Variants in NEDD9 observed in about 807,000 individuals in gnomAD.
NEDD9 encodes the protein enhancer of filamentation 1.
Under a neutral mutation model 76.6 loss-of-function variants are expected in NEDD9, and 26 were observed. That is an observed-to-expected ratio of 0.34 (90% CI 0.25 to 0.47). The LOEUF is 0.47. Among genes scored for constraint, NEDD9 ranks in the 20% least tolerant of loss-of-function variants. NEDD9 has a pLI of 1.00. For synonymous variants in NEDD9, 392 were observed against 414.2 expected, an observed-to-expected ratio of 0.95 and a Z score of 0.65; for missense variants, 937 against 1,058.5, an observed-to-expected ratio of 0.89 and a Z score of 1.59.
intron 1 of NEDD9, among the ~76,000 whole-genome samples, chr6:11,366,270 A>AGAAG (rs753253031): frequency 6.2e-4 from 82 of 132,518 alleles, no homozygotes; most frequent in South Asian, 3.8e-3. Flanking sequence ...AGTCTGAGAA[A>AGAAG]GAAGGAAGGA....
intron 3 of NEDD9, among the ~76,000 whole-genome samples, chr6:11,299,916 A>C (rs1760997947): frequency 6.6e-6 from 1 of 152,232 alleles, no homozygotes; most frequent in South Asian, 2.1e-4. Context: ...CCAGAGCAGA[A>C]AAGCTGAAAA....
At chr6:11,308,361 C>CTT (rs933892327) in intron 2 of NEDD9, among the ~76,000 whole-genome samples, 1,174 of 87,864 alleles carry the variant, frequency 0.013, 114 homozygotes, top group African/African-American at 0.04. Context: ...GATGGGACAT[C>CTT]TTTTTTTTTT....
intron 3 of NEDD9, among the ~76,000 whole-genome samples, chr6:11,260,435 C>T (rs950517357): frequency 1.3e-5 from 2 of 152,120 alleles, no homozygotes; most frequent in Non-Finnish European, 2.9e-5. Flanking sequence ...TTCTGAGTCT[C>T]GACTTGCCCA....
chr6:11,368,320 G>A (rs1762804413), intron 1 of NEDD9, among the ~76,000 whole-genome samples: 1 of 152,144 alleles, frequency 6.6e-6, no homozygotes, highest in Non-Finnish European at 1.5e-5. Flanking sequence ...TATTCCTGTG[G>A]TTCTTCATTA....
chr6:11,326,286 A>G (rs765326410), intron 2 of NEDD9, among the ~76,000 whole-genome samples: 1 of 152,224 alleles, frequency 6.6e-6, no homozygotes, highest in Non-Finnish European at 1.5e-5. Context: ...AATAAAGCAC[A>G]GCTGCTGAAC....
intron 1 of NEDD9, among the ~76,000 whole-genome samples, chr6:11,229,929 A>C (rs1465004088): frequency 6.6e-6 from 1 of 152,208 alleles, no homozygotes; most frequent in Non-Finnish European, 1.5e-5. Context: ...CGTAGTTGTG[A>C]TCCCTGGGGC....
rs547048353 is a variant in NEDD9 at position 11,380,283 on chromosome 6, C to T, written c.-214+1856G>A. Among the ~76,000 whole-genome samples, 6 of 152,280 alleles carry T rather than the reference C, an allele frequency of 3.9e-5. No individual in the cohort carries two copies. The South Asian group carries it at 1.0e-3, about 26-fold the overall frequency. On this transcript the variant is annotated intron_variant, in intron 1 of 3. Coordinates refer to the NEDD9 transcript ENST00000397378. ...CAGAAGTAGACCCCAATGCAGAGTT[C>T]GAGGACATGTAGTTTAAGAAATGAT...
chr6:11,239,629 C>A (rs1227505482), intron 3 of NEDD9, among the ~76,000 whole-genome samples: 2 of 152,164 alleles, frequency 1.3e-5, no homozygotes. Context: ...CACTTTCCCT[C>A]CACTAATATT....
chr6:11,289,366 A>G (rs1435058710), intron 3 of NEDD9, among the ~76,000 whole-genome samples: 1 of 152,202 alleles, frequency 6.6e-6, no homozygotes. Flanking sequence ...CCTATTTTCT[A>G]TTATTATTGT....
chr6:11,371,071 G>C (rs1274514541), intron 1 of NEDD9, among the ~76,000 whole-genome samples: 1 of 152,090 alleles, frequency 6.6e-6, no homozygotes, highest in East Asian at 1.9e-4. Flanking sequence ...TTGGCCTTCT[G>C]GGGGAACATC....
At chr6:11,200,804 G>T in intron 2 of NEDD9, 2 of 1,452,376 alleles carry the variant, frequency 1.4e-6, no homozygotes. Flanking sequence ...ATCAGTATTG[G>T]CATTATTACG....
At chr6:11,196,690 G>A (rs114980276) in intron 2 of NEDD9, among the ~76,000 whole-genome samples, 1,669 of 151,898 alleles carry the variant, frequency 0.011, 33 homozygotes, top group African/African-American at 0.039. Context: ...ACCGAATACA[G>A]CACCCCCCGC....
At chr6:11,372,874 C>T (rs1002602671) in intron 1 of NEDD9, among the ~76,000 whole-genome samples, 3 of 152,146 alleles carry the variant, frequency 2.0e-5, no homozygotes, top group African/African-American at 7.2e-5. Context: ...CCACATATAT[C>T]ATGTAAGAGC....
At position 11,185,368 on chromosome 6, in the gene NEDD9, C is replaced by A. The variant is rs766643269; in HGVS notation, c.2299G>T (p.Val767Leu). ...TTGTTGCGAATGTCCTGGGCAGTCA[C>A]CTGCCGTGTCAGCGTGTCTCCAATG... is the stretch of plus-strand genomic sequence containing the variant. ...VFIGDTLTRQ[V>L]TAQDIRNKVM... Residue 767 changes from valine (V) to leucine (L), a missense_variant, in exon 7 of 7, where the codon GTG becomes TTG. By Grantham distance (32) the Val-to-Leu change is conservative. Coordinates refer to ENST00000379446, the MANE Select transcript of NEDD9 (RefSeq NM_006403.4). The A allele has an allele frequency of 3.1e-6, 5 of 1,614,072 alleles. No homozygotes were observed. The African/African-American group carries it at 6.7e-5, about 22-fold the overall frequency.
intron 1 of NEDD9, among the ~76,000 whole-genome samples, chr6:11,336,076 C>T (rs1303605410): frequency 5.9e-5 from 9 of 152,214 alleles, no homozygotes; most frequent in Non-Finnish European, 4.4e-5. Context: ...CCCTAGTCAC[C>T]TCCTCCTGCC....
In NEDD9 at chr6:11,290,216, G is replaced by A. The variant is rs550159472; in HGVS notation, c.12+15776C>T. ...CTCTGTTGTTTCTCACATTTGCTCG[G>A]AACTATGAGCAGGACAACCTTTCAA... On this transcript the variant is annotated intron_variant, in intron 3 of 3. Coordinates refer to the NEDD9 transcript ENST00000397378. 4.4e-4 allele frequency among the ~76,000 whole-genome samples: 67 copies of A among 152,222 alleles called. 2 individuals carry two copies. The South Asian group carries it at 0.013, about 31-fold the overall frequency.
At chr6:11,329,335 C>G (rs1761988325) in intron 2 of NEDD9, among the ~76,000 whole-genome samples, 1 of 152,160 alleles carries the variant, frequency 6.6e-6, no homozygotes, top group African/African-American at 2.4e-5. Context: ...ACACTAGGCT[C>G]CAAGTCTCAG....
intron 3 of NEDD9, among the ~76,000 whole-genome samples, chr6:11,279,317 G>C (rs1238380504): frequency 6.6e-6 from 1 of 152,220 alleles, no homozygotes; most frequent in African/African-American, 2.4e-5. Flanking sequence ...ACTTGCTCCT[G>C]ATTCATGCTC....
At chr6:11,292,091 A>G (rs2113377750) in intron 3 of NEDD9, among the ~76,000 whole-genome samples, 1 of 152,320 alleles carries the variant, frequency 6.6e-6, no homozygotes, top group East Asian at 1.9e-4. Context: ...TTCAGAATGG[A>G]TTCCCACAGA....
Sources: allele counts gnomAD v4.1 joint callset (sites outside exome capture counted in the v4.1 genomes callset), GRCh38; gene constraint gnomAD v4.1.1; transcripts MANE v1.5; gene names NCBI Gene and HGNC (gene_info 2026-07-23, HGNC 2026-07-21).